OTOGL: variants seen among roughly 807,000 people sequenced by gnomAD.
The protein encoded by OTOGL is otogelin like.
Under a neutral mutation model 318.5 loss-of-function variants are expected in OTOGL, and 285 were observed. That is an observed-to-expected ratio of 0.89 (90% CI 0.81 to 0.99). The LOEUF (loss-of-function observed/expected upper bound fraction) is 0.99. Ranked by LOEUF, OTOGL falls within the 50% of genes least tolerant of loss-of-function variation. The pLI is 0.00. For missense variants in OTOGL, 2,899 were observed against 2,845.6 expected (o/e 1.02, Z -0.43); for synonymous variants, 987 against 936.5 (o/e 1.05, Z -0.99).
intron 57 of OTOGL, among the ~76,000 whole-genome samples, chr12:80,372,846 G>A (rs997817754): frequency 6.6e-6 from 1 of 151,866 alleles, no homozygotes; most frequent in Non-Finnish European, 1.5e-5. Context: ...GCGCCATCAC[G>A]TCCGGCTAAT....
intron 1 of OTOGL, among the ~76,000 whole-genome samples, chr12:80,101,650 A>G (rs952351979): frequency 1.1e-4 from 16 of 152,334 alleles, no homozygotes; most frequent in Non-Finnish European, 2.1e-4. Context: ...GTTATATCAT[A>G]TAATCATCAC....
At chr12:80,346,593 T>A (rs1389006295) in intron 44 of OTOGL, among the ~76,000 whole-genome samples, 1 of 152,234 alleles carries the variant, frequency 6.6e-6, no homozygotes, top group African/African-American at 2.4e-5. Context: ...CCTTTCAGTG[T>A]CCGTCATCCA....
intron 26 of OTOGL, among the ~76,000 whole-genome samples, chr12:80,294,631 A>G (rs1885261631): frequency 6.6e-6 from 1 of 152,232 alleles, no homozygotes; most frequent in South Asian, 2.1e-4. Flanking sequence ...ACAGAGGGAT[A>G]TATTAATTAC....
intron 44 of OTOGL, 89 bp downstream of exon 44, chr12:80,342,251 T>G (rs1433917497): frequency 9.5e-7 from 1 of 1,047,534 alleles, no homozygotes; most frequent in Non-Finnish European, 1.4e-6. Flanking sequence ...TATAATGTTC[T>G]TCTACTGAGA....
At chr12:80,293,800 G>GT (rs1023268520) in intron 26 of OTOGL, among the ~76,000 whole-genome samples, 5 of 152,074 alleles carry the variant, frequency 3.3e-5, no homozygotes, top group Admixed American at 6.6e-5. Context: ...AATATAGTTC[G>GT]TTTTTTCTGC....
At chr12:80,124,943 G>C (rs1257142831) in intron 1 of OTOGL, among the ~76,000 whole-genome samples, 1 of 152,190 alleles carries the variant, frequency 6.6e-6, no homozygotes, top group Admixed American at 6.5e-5. Flanking sequence ...TTTGGGCTGA[G>C]ACAATGGGGT....
In OTOGL at chr12:80,323,799, A is replaced by G. The variant is rs759961754; in HGVS notation, c.4158A>G (p.Thr1386=). 2.2e-5 allele frequency: 36 copies of G among 1,613,718 alleles called. No homozygotes were observed. The highest frequency in any genetic ancestry group is 3.4e-6 in the Non-Finnish European group (4 of 1,179,716). Residue 1386 remains threonine, a synonymous_variant, in exon 35 of 59, where the codon ACA becomes ACG. Coordinates refer to ENST00000547103, the MANE Select transcript of OTOGL (RefSeq NM_001378609.3). ...CTTGTGCTACACCCTGTTTTAAAAC[A>G]TGTAGTGACCCTGAAGCACTAGCAT... The part of the protein sequence containing the change: ...YEPCATPCFK[T]CSDPEALACK...
At chr12:80,134,374 C>G (rs1322215614) in intron 1 of OTOGL, among the ~76,000 whole-genome samples, 1 of 152,170 alleles carries the variant, frequency 6.6e-6, no homozygotes, top group East Asian at 1.9e-4. Context: ...CTTTCCTTTT[C>G]TTATGGACTT....
chr12:80,291,280 C>T (rs1473432544), intron 26 of OTOGL, among the ~76,000 whole-genome samples: 1 of 152,120 alleles, frequency 6.6e-6, no homozygotes, highest in Non-Finnish European at 1.5e-5. Flanking sequence ...CTATGAAAGA[C>T]AAATCATAAC....
rs35010860 is a variant in OTOGL, at chr12:80,377,200, C to T, written c.6859C>T (p.Pro2287Ser). 8,794 of 1,592,074 alleles carry T rather than the reference C, an allele frequency of 5.5e-3. 401 individuals carry two copies. In the African/African-American group the frequency reaches 0.098, roughly 18 times the overall value. The change falls in exon 58 of 59, where the codon CCT becomes TCT. Residue 2287 changes from proline (P) to serine (S), a missense_variant and splice_region_variant. Pro to Ser is a moderately conservative substitution (Grantham distance 74). This residue lies in a region of OTOGL where 289 missense variants were observed against 304.6 expected (regional missense o/e 0.95). Coordinates refer to ENST00000547103, the MANE Select transcript of OTOGL (RefSeq NM_001378609.3). Reference sequence around the variant, plus strand: ...GAAACAGGACTGTATGAGCCAAAGCCCTGTAAGTGGAAAAATGTCATTTGC... The same window carrying T: ...GAAACAGGACTGTATGAGCCAAAGCTCTGTAAGTGGAAAAATGTCATTTGC... The part of the protein sequence containing the change: ...IRKQDCMSQS[P>S]INVASCDGKC...
rs888994670 is a variant in OTOGL, at chr12:80,370,459, C to G, written c.6616-111C>G. 6 of 916,548 alleles carry G rather than the reference C, an allele frequency of 6.5e-6. No homozygotes were observed. The African/African-American group carries it at 1.1e-4, about 16-fold the overall frequency. 56.8% of individuals were successfully genotyped at this position (916,548 alleles called of 1,614,324 possible). A position where few individuals can be genotyped will look rare whatever the true frequency, so the allele number is the denominator to read the frequency against. On this transcript the variant is annotated intron_variant, in intron 55 of 58. Coordinates refer to ENST00000547103, the MANE Select transcript of OTOGL (RefSeq NM_001378609.3). ...TTTTCAGATGGAACATTTTGTGTCA[C>G]AAGAAGCCTTTGCATCTTGATTTGA...
chr12:80,119,664 G>A (rs956403416), intron 1 of OTOGL, among the ~76,000 whole-genome samples: 1 of 152,082 alleles, frequency 6.6e-6, no homozygotes, highest in African/African-American at 2.4e-5. Flanking sequence ...ACTGTATTAT[G>A]CTGATTTGTT....
chr12:80,122,170 A>G (rs745453236), intron 1 of OTOGL, among the ~76,000 whole-genome samples: 4 of 152,196 alleles, frequency 2.6e-5, no homozygotes, highest in Admixed American at 1.3e-4. Flanking sequence ...AAAAAAAAGT[A>G]CTTGAGATCA....
chr12:80,144,017 A>G (rs759075371), intron 1 of OTOGL, among the ~76,000 whole-genome samples: 31 of 151,342 alleles, frequency 2.0e-4, no homozygotes, highest in Non-Finnish European at 8.8e-5. Context: ...ATTCAAAGGC[A>G]TTGAAAATGC....
chr12:80,311,251 A>T (rs191202592), intron 30 of OTOGL, among the ~76,000 whole-genome samples: 22 of 152,300 alleles, frequency 1.4e-4, no homozygotes, highest in African/African-American at 4.8e-4. Context: ...ATTAAGTAAT[A>T]TTTCTGCTGC....
intron 7 of OTOGL, among the ~76,000 whole-genome samples, chr12:80,227,808 A>C (rs914244862): frequency 1.3e-5 from 2 of 152,042 alleles, no homozygotes; most frequent in Non-Finnish European, 1.5e-5. Context: ...CTCACGCTCC[A>C]TCTTTACTAG....
intron 24 of OTOGL, among the ~76,000 whole-genome samples, chr12:80,272,667 C>T (rs974176783): frequency 6.6e-6 from 1 of 152,004 alleles, no homozygotes; most frequent in Non-Finnish European, 1.5e-5. Flanking sequence ...CTGGGATCAG[C>T]TCATATAAAC....
At position 80,265,044 on chromosome 12, in the gene OTOGL, T is replaced by G; in HGVS notation, c.2058T>G (p.Phe686Leu). The G allele has an allele frequency of 6.2e-7, 1 of 1,613,940 alleles. No homozygotes were observed. The highest frequency in any genetic ancestry group is 8.5e-7 in the Non-Finnish European group (1 of 1,179,856). Reference protein sequence around the residue: ...AHCDVIHQELFAPCHIYISPG... With the variant: ...AHCDVIHQELLAPCHIYISPG... ...GTGATGTCATCCACCAGGAGCTCTT[T>G]GCTCCTTGCCACATCTATATTAGCC... is the stretch of plus-strand genomic sequence containing the variant. The change falls in exon 20 of 59, where the codon TTT (phenylalanine) becomes TTG (leucine). Residue 686 changes from phenylalanine (F) to leucine (L), a missense_variant. Transcript: ENST00000547103.
intron 1 of OTOGL, among the ~76,000 whole-genome samples, chr12:80,138,296 C>G (rs1871709010): frequency 6.6e-6 from 1 of 152,006 alleles, no homozygotes; most frequent in African/African-American, 2.4e-5. Context: ...TTTTCTTATT[C>G]TTTCATATTC....
Sources: gnomAD v4.1 joint callset for allele counts (sites outside exome capture counted in the v4.1 genomes callset) on GRCh38, gnomAD v4.1.1 for gene constraint, gnomAD v4.1.1 regional missense constraint, MANE v1.5 for transcripts, NCBI Gene and HGNC (gene_info 2026-07-23, HGNC 2026-07-21) for gene names.